The following PCSK5 variants were observed in gnomAD, a reference collection of about 807,000 sequenced individuals.
The protein encoded by PCSK5 is prohormone convertase 5.
In PCSK5, 129 loss-of-function variants were observed where a neutral mutation model predicts 233.2. The ratio of observed to expected loss-of-function variants is 0.55; its 90% CI spans 0.48 to 0.64. The LOEUF (loss-of-function observed/expected upper bound fraction) is 0.64. PCSK5 is among the 30% of genes least tolerant of loss of function. The probability of loss-of-function intolerance (pLI) is 0.00; values close to 1 mark genes in which losing one functional copy is unlikely to be tolerated. For synonymous variants in PCSK5, 825 were observed against 879.2 expected, an observed-to-expected ratio of 0.94 and a Z score of 1.09; for missense variants, 2,076 against 2,430.1, an observed-to-expected ratio of 0.85 and a Z score of 3.06.
At chr9:76,192,409 A>C (rs1177169763) in intron 20 of PCSK5, among the ~76,000 whole-genome samples, 1 of 152,196 alleles carries the variant, frequency 6.6e-6, no homozygotes, top group African/African-American at 2.4e-5. Context: ...TTCAACTGTC[A>C]TATTTCTGTG....
intron 5 of PCSK5, among the ~76,000 whole-genome samples, chr9:76,062,133 G>A (rs1830050882): frequency 6.6e-6 from 1 of 152,016 alleles, no homozygotes. Flanking sequence ...CTGTAGTCCT[G>A]GCTACTCAAG....
intron 3 of PCSK5, among the ~76,000 whole-genome samples, chr9:75,996,313 T>C (rs1036181679): frequency 6.6e-6 from 1 of 152,210 alleles, no homozygotes; most frequent in African/African-American, 2.4e-5. Context: ...TTATTCCTGA[T>C]GCCAAGGATA....
intron 20 of PCSK5, among the ~76,000 whole-genome samples, chr9:76,205,706 C>CA (rs1825090616): frequency 6.6e-6 from 1 of 152,168 alleles, no homozygotes. Context: ...TTTGTTGTCT[C>CA]AGGCTAATTA....
At chr9:76,190,483 G>A (rs1209269674) in intron 20 of PCSK5, among the ~76,000 whole-genome samples, 2 of 151,932 alleles carry the variant, frequency 1.3e-5, no homozygotes, top group South Asian at 2.1e-4. Flanking sequence ...ATAGAGTTTT[G>A]TATCTTGCTT....
intron 22 of PCSK5, among the ~76,000 whole-genome samples, chr9:76,233,861 G>A (rs1241480210): frequency 1.3e-5 from 2 of 151,992 alleles, no homozygotes; most frequent in African/African-American, 2.4e-5. Flanking sequence ...GGAGAGAGAA[G>A]GACGTAGAAG....
chr9:76,353,669 G>A (rs10869763), intron 36 of PCSK5, among the ~76,000 whole-genome samples: 32,585 of 152,048 alleles, frequency 0.21, 4,244 homozygotes, highest in East Asian at 0.54. Context: ...TTTGAGATGC[G>A]GGAAATGAAT....
At chr9:75,918,049 G>A (rs1341731823) in intron 1 of PCSK5, among the ~76,000 whole-genome samples, 4 of 152,076 alleles carry the variant, frequency 2.6e-5, no homozygotes, top group African/African-American at 9.7e-5. Context: ...GTTTCTCATA[G>A]GTAACTATAC....
chr9:76,356,532 C>G (rs921471452), intron 37 of PCSK5, among the ~76,000 whole-genome samples: 1 of 152,160 alleles, frequency 6.6e-6, no homozygotes, highest in Non-Finnish European at 1.5e-5. Context: ...CTCACAGTAC[C>G]ACACACAGAT....
intron 3 of PCSK5, among the ~76,000 whole-genome samples, chr9:76,009,767 A>C (rs985584508): frequency 6.6e-6 from 1 of 152,242 alleles, no homozygotes. Flanking sequence ...TACATGGAGC[A>C]ATCACAAAAG....
chr9:76,314,911 A>G (rs1228854256), intron 30 of PCSK5, among the ~76,000 whole-genome samples: 4 of 150,178 alleles, frequency 2.7e-5, no homozygotes, highest in African/African-American at 9.9e-5. Context: ...AAGTGCTGGG[A>G]TTACAGGCAT....
intron 24 of PCSK5, among the ~76,000 whole-genome samples, chr9:76,261,800 C>T (rs557949377): frequency 6.6e-6 from 1 of 152,212 alleles, no homozygotes; most frequent in South Asian, 2.1e-4. Context: ...TGATTTGGCT[C>T]TCTGTTTGTC....
intron 5 of PCSK5, among the ~76,000 whole-genome samples, chr9:76,064,284 T>G (rs1187749133): frequency 1.3e-5 from 1 of 79,692 alleles, no homozygotes; most frequent in Non-Finnish European, 2.3e-5. Context: ...GCTAAGGGGC[T>G]CCTCACTTCC....
At chr9:76,154,106 C>T (rs1361672750) in intron 10 of PCSK5, among the ~76,000 whole-genome samples, 1 of 152,136 alleles carries the variant, frequency 6.6e-6, no homozygotes. Flanking sequence ...ATGCAATTTC[C>T]CTTATTGACT....
Position 76,095,900 on chromosome 9 carries a change from G to C in PCSK5, c.905G>C (p.Gly302Ala). 1 of 1,614,026 alleles carries C rather than the reference G, an allele frequency of 6.2e-7. No homozygotes were observed. The highest frequency in any genetic ancestry group is 8.5e-7 in the Non-Finnish European group (1 of 1,179,974). Residue 302 changes from glycine to alanine, a missense_variant, in exon 8 of 38, where the codon GGC becomes GCC. Physicochemically the swap from Gly to Ala is moderately conservative, Grantham distance 60 (BLOSUM62 0). Coordinates refer to ENST00000674117, the MANE Select transcript of PCSK5 (RefSeq NM_001372043.1). The stretch of plus-strand genomic sequence containing the variant: ...TCTGTTTGTGAACAGGGGCGGAGAG[G>C]CCTCGGCTCTGTGTTTGTTTGGGCA... ...FENGVRMGRR[G>A]LGSVFVWASG...
intron 3 of PCSK5, among the ~76,000 whole-genome samples, chr9:76,015,730 A>G (rs755720814): frequency 4.6e-5 from 7 of 152,028 alleles, no homozygotes; most frequent in Non-Finnish European, 8.8e-5. Context: ...TATACAGCCA[A>G]CTCTCAGAGA....
chr9:76,000,556 G>T (rs1365494683), intron 3 of PCSK5, among the ~76,000 whole-genome samples: 3 of 152,110 alleles, frequency 2.0e-5, no homozygotes, highest in African/African-American at 7.2e-5. Context: ...TCAATCATTT[G>T]TTACAGTGAG....
chr9:76,128,603 C>T (rs926104056), intron 9 of PCSK5, among the ~76,000 whole-genome samples: 1 of 152,162 alleles, frequency 6.6e-6, no homozygotes, highest in African/African-American at 2.4e-5. Flanking sequence ...AAAGACACCT[C>T]AGCTTCAATG....
rs190134093 is a variant in PCSK5, at chr9:76,263,836, C to T, written c.3142+23152C>T. On this transcript the variant is annotated intron_variant, in intron 24 of 37. Transcript: ENST00000674117. ...TGACACAAACAAATGGAAAAATATC[C>T]CATGCTCATGGATTGGAAGAATCAA... 1.9e-4 allele frequency among the ~76,000 whole-genome samples: 29 copies of T among 151,182 alleles called. No individual in the cohort carries two copies. The East Asian group carries it at 5.0e-3, about 26-fold the overall frequency.
intron 5 of PCSK5, among the ~76,000 whole-genome samples, chr9:76,052,611 G>A (rs958735451): frequency 2.0e-4 from 30 of 152,182 alleles, no homozygotes; most frequent in African/African-American, 7.0e-4. Context: ...TACAATTCAA[G>A]ATGAGATTTG....
Sources: allele counts gnomAD v4.1 joint callset (sites outside exome capture counted in the v4.1 genomes callset), GRCh38; gene constraint gnomAD v4.1.1; transcripts MANE v1.5; gene names NCBI Gene and HGNC (gene_info 2026-07-23, HGNC 2026-07-21).